UGT1A9: variants seen among roughly 807,000 people sequenced by gnomAD.
The protein encoded by UGT1A9 is UDP glucuronosyltransferase family 1 member A9.
A neutral mutation model predicts 45.0 loss-of-function variants in UGT1A9; 35 were observed. That is an observed-to-expected ratio of 0.78 (90% CI 0.59 to 1.03). UGT1A9 has a LOEUF of 1.03. Among genes scored for constraint, UGT1A9 ranks in the 50% least tolerant of loss-of-function variants. The pLI is 0.00. For synonymous variants in UGT1A9, 278 were observed against 250.6 expected (o/e 1.11, Z -1.03); for missense variants, 687 against 666.6 (o/e 1.03, Z -0.34).
chr2:233,690,017 C>T (rs2074971660), intron 1 of UGT1A9: 1 of 439,614 alleles, frequency 2.3e-6, no homozygotes, highest in Non-Finnish European at 4.5e-6. Flanking sequence ...CATTTTGGAC[C>T]TTCCTCAAGA....
intron 1 of UGT1A9, chr2:233,755,332 C>A (rs556124321): frequency 5.3e-4 from 243 of 459,718 alleles, no homozygotes; most frequent in African/African-American, 4.6e-3. Flanking sequence ...CCAGCACCCG[C>A]GCACAGGTCA....
intron 1 of UGT1A9, chr2:233,719,745 G>A: frequency 6.2e-7 from 1 of 1,612,936 alleles, no homozygotes; most frequent in Non-Finnish European, 8.5e-7. Flanking sequence ...TTTAAAAAAT[G>A]TATTTACTTA....
intron 1 of UGT1A9, among the ~76,000 whole-genome samples, chr2:233,700,712 C>CT (rs1247819378): frequency 6.6e-6 from 1 of 151,478 alleles, no homozygotes; most frequent in African/African-American, 2.4e-5. Context: ...ATGTTTTTTT[C>CT]TTTTTTTAAA....
chr2:233,747,450 T>A, intron 1 of UGT1A9: 1 of 1,609,050 alleles, frequency 6.2e-7, no homozygotes, highest in Non-Finnish European at 8.5e-7. Flanking sequence ...CCTGACAACC[T>A]ATGCCATTTC....
At chr2:233,690,080 T>C (rs2074974385) in intron 1 of UGT1A9, among the ~76,000 whole-genome samples, 1 of 152,204 alleles carries the variant, frequency 6.6e-6, no homozygotes. Context: ...GCCTATCAAA[T>C]AGATTAAATT....
chr2:233,761,113 G>T (rs72551345), intron 1 of UGT1A9: 1 of 1,614,106 alleles, frequency 6.2e-7, no homozygotes, highest in South Asian at 1.1e-5. Flanking sequence ...GGTTTTTGTT[G>T]GTGGAATCAA....
chr2:233,715,254 A>G (rs547164013), intron 1 of UGT1A9, among the ~76,000 whole-genome samples: 219 of 152,274 alleles, frequency 1.4e-3, no homozygotes, highest in African/African-American at 5.0e-3. Context: ...CTTTTAAAAA[A>G]TCCCCTTACA....
chr2:233,739,826 A>G (rs989260193), intron 1 of UGT1A9, among the ~76,000 whole-genome samples: 6 of 152,024 alleles, frequency 3.9e-5, no homozygotes, highest in African/African-American at 1.2e-4. Context: ...TTAAATGTGA[A>G]AAGACATGAG....
chr2:233,750,986 G>T (rs1230774000), intron 1 of UGT1A9, among the ~76,000 whole-genome samples: 1 of 151,784 alleles, frequency 6.6e-6, no homozygotes, highest in Non-Finnish European at 1.5e-5. Flanking sequence ...TTGTGAGAAG[G>T]CGGCCACCAT....
Position 233,769,834 on chromosome 2 carries a change from G to T in UGT1A9, c.1295+1395G>T. ...CATGCCACTGCACTCCAGCAACCTG[G>T]GCAACAGAGTGAGACCCTGTCTCAA... On this transcript the variant is annotated intron_variant, in intron 4 of 4. Coordinates refer to ENST00000354728, the MANE Select transcript of UGT1A9 (RefSeq NM_021027.3). The surrounding 1 kb of genome is among the most constrained non-coding windows in gnomAD (Gnocchi z 4.4). 1.5e-6 allele frequency: 1 copy of T among 687,902 alleles called. No individual in the cohort carries two copies. The highest frequency in any genetic ancestry group is 2.2e-6 in the Non-Finnish European group (1 of 463,396). The allele number at this position is 687,902 out of a possible 1,614,324, so 42.6% of individuals were successfully genotyped here.
chr2:233,761,671 C>T (rs1489520357), intron 1 of UGT1A9, among the ~76,000 whole-genome samples: 1 of 152,240 alleles, frequency 6.6e-6, no homozygotes, highest in Non-Finnish European at 1.5e-5. Flanking sequence ...ACCAGACAGT[C>T]AGGTTCTGAC....
Position 233,772,359 on chromosome 2 carries a change from C to T in UGT1A9, c.1393C>T (p.His465Tyr), listed in dbSNP as rs1559420158. 1 of 1,614,248 alleles carries T rather than the reference C, an allele frequency of 6.2e-7. No individual in the cohort carries two copies. The highest frequency in any genetic ancestry group is 8.5e-7 in the Non-Finnish European group (1 of 1,180,052). ...GTTCTGGGTGGAGTTTGTGATGAGG[C>T]ACAAGGGCGCGCCACACCTGCGCCC... ...AVFWVEFVMR[H>Y]KGAPHLRPAA... Residue 465 changes from histidine (H) to tyrosine (Y), a missense_variant, in exon 5 of 5, where the codon CAC (histidine) becomes TAC (tyrosine). His to Tyr is a moderately conservative substitution (Grantham distance 83). Coordinates refer to ENST00000354728, the MANE Select transcript of UGT1A9 (RefSeq NM_021027.3).
chr2:233,709,732 ATAC>A (rs1331769272), intron 1 of UGT1A9, among the ~76,000 whole-genome samples: 2 of 152,330 alleles, frequency 1.3e-5, no homozygotes, highest in East Asian at 1.9e-4. Flanking sequence ...TTTTCAATTG[ATAC>A]TACTAAAATA....
intron 1 of UGT1A9, among the ~76,000 whole-genome samples, chr2:233,696,716 ACAGTTTT>A (rs1306894731): frequency 7.2e-5 from 11 of 152,138 alleles, no homozygotes; most frequent in Admixed American, 2.6e-4. Context: ...TTTTAGAGGA[ACAGTTTT>A]CAGTTTTACC....
intron 1 of UGT1A9, among the ~76,000 whole-genome samples, chr2:233,685,717 G>C (rs1163706529): frequency 3.9e-5 from 6 of 152,142 alleles, no homozygotes; most frequent in Non-Finnish European, 8.8e-5. Flanking sequence ...ATATCTTGCT[G>C]TACTGCTTCG....
chr2:233,679,690 G>A (rs757404992), intron 1 of UGT1A9, among the ~76,000 whole-genome samples: 13 of 152,014 alleles, frequency 8.6e-5, no homozygotes, highest in Non-Finnish European at 1.3e-4. Context: ...GCTTGGCAGA[G>A]GCTGGTTCTC....
intron 1 of UGT1A9, among the ~76,000 whole-genome samples, chr2:233,683,905 G>A (rs185079883): frequency 6.6e-5 from 10 of 152,082 alleles, no homozygotes; most frequent in African/African-American, 1.4e-4. Flanking sequence ...TTATTTTGGC[G>A]GAGCATATAG....
At chr2:233,739,434 A>C (rs369218024) in intron 1 of UGT1A9, among the ~76,000 whole-genome samples, 2 of 152,136 alleles carry the variant, frequency 1.3e-5, no homozygotes, top group African/African-American at 2.4e-5. Flanking sequence ...CGAGGGCTTT[A>C]CCCTGCAAAG....
chr2:233,737,458 C>G (rs1404187897), intron 1 of UGT1A9, among the ~76,000 whole-genome samples: 1 of 152,216 alleles, frequency 6.6e-6, no homozygotes, highest in Non-Finnish European at 1.5e-5. Context: ...CAGGTACAGT[C>G]TGTCATGGCT....
Sources: allele counts gnomAD v4.1 joint callset (sites outside exome capture counted in the v4.1 genomes callset), GRCh38; gene constraint gnomAD v4.1.1; non-coding constraint Gnocchi (gnomAD v3.1); transcripts MANE v1.5; gene names NCBI Gene and HGNC (gene_info 2026-07-23, HGNC 2026-07-21).